Variants in PCDH11X observed in about 807,000 individuals in gnomAD.
PCDH11X encodes the protein protocadherin 11 X-linked, also known as protocadherin-11 X-linked.
PCDH11X carries 18 observed loss-of-function variants against 53.3 expected under a neutral mutation model. The ratio of observed to expected loss-of-function variants is 0.34; its 90% confidence interval spans 0.23 to 0.50. The LOEUF (loss-of-function observed/expected upper bound fraction) is 0.50. Ranked by LOEUF, PCDH11X falls within the 20% of genes least tolerant of loss-of-function variation. The pLI, the probability that PCDH11X is intolerant of heterozygous loss-of-function variation, is 0.98. For missense variants in PCDH11X, 570 were observed against 1,032.4 expected, an observed-to-expected ratio of 0.55 and a Z score of 6.14; for synonymous variants, 279 against 393.3, an observed-to-expected ratio of 0.71 and a Z score of 3.44.
intron 8 of PCDH11X, among the ~76,000 whole-genome samples, chrX:92,306,485 C>T (rs937472786): frequency 9.3e-6 from 1 of 107,982 alleles, no homozygotes; most frequent in African/African-American, 3.4e-5. Flanking sequence ...ACAAGAATTT[C>T]ACTAAATTTA....
chrX:91,866,482 G>A (rs1271493130), intron 5 of PCDH11X, among the ~76,000 whole-genome samples: 8 of 110,700 alleles, frequency 7.2e-5, no homozygotes, highest in South Asian at 3.9e-4. Flanking sequence ...TGTCAGCTGC[G>A]TTTGGTCTGG....
At chrX:92,045,081 C>T (rs1479021845) in intron 6 of PCDH11X, among the ~76,000 whole-genome samples, 9 of 95,638 alleles carry the variant, frequency 9.4e-5, no homozygotes, top group Non-Finnish European at 1.6e-4. Flanking sequence ...ACTGATCATG[C>T]TCTTTCTAAA....
At chrX:92,228,783 T>A (rs2067016019) in intron 7 of PCDH11X, among the ~76,000 whole-genome samples, 1 of 111,922 alleles carries the variant, frequency 8.9e-6, no homozygotes, top group African/African-American at 3.2e-5. Context: ...GAAAGGACAT[T>A]ATCTAGGCCA....
At position 91,877,702 on chromosome X, in the gene PCDH11X, G is replaced by A; in HGVS notation, c.1462G>A (p.Val488Ile). The change falls in exon 6 of 11, where the codon GTA (valine) becomes ATA (isoleucine). Residue 488 changes from valine to isoleucine, a missense_variant. By Grantham distance (29) the Val-to-Ile change is conservative. Coordinates refer to ENST00000682573, the MANE Select transcript of PCDH11X (RefSeq NM_032968.5). ...NNSPGIQLTK[V>I]SAMDADSGPN... Reference sequence around the variant, plus strand: ...CTCTCCTGGCATCCAGTTGACGAAAGTAAGTGCAATGGATGCAGACAGTGG... The same window carrying A: ...CTCTCCTGGCATCCAGTTGACGAAAATAAGTGCAATGGATGCAGACAGTGG... The A allele has an allele frequency of 8.3e-7, 1 of 1,211,672 alleles. No homozygotes were observed. The highest frequency in any genetic ancestry group is 1.8e-5 in the South Asian group (1 of 56,981).
chrX:92,100,659 C>T (rs1057249070), intron 6 of PCDH11X, among the ~76,000 whole-genome samples: 3 of 110,853 alleles, frequency 2.7e-5, no homozygotes, highest in Middle Eastern at 4.2e-3. Context: ...ACAGGGGATG[C>T]GATGGCTTGG....
chrX:92,097,591 A>C (rs1354486391), intron 6 of PCDH11X, among the ~76,000 whole-genome samples: 1 of 110,846 alleles, frequency 9.0e-6, no homozygotes, highest in Non-Finnish European at 1.9e-5. Context: ...TAGCAGAATT[A>C]ATACTCAGTT....
intron 7 of PCDH11X, among the ~76,000 whole-genome samples, chrX:92,212,434 T>C (rs2066609286): frequency 1.8e-5 from 2 of 111,840 alleles, no homozygotes; most frequent in Admixed American, 1.9e-4. Flanking sequence ...CACTGCAACC[T>C]CCACCTCCCG....
chrX:92,173,459 A>G (rs2065853890), intron 6 of PCDH11X, among the ~76,000 whole-genome samples: 1 of 111,149 alleles, frequency 9.0e-6, no homozygotes, highest in Non-Finnish European at 1.9e-5. Flanking sequence ...AAACAATGAC[A>G]TAATCTGACA....
intron 5 of PCDH11X, among the ~76,000 whole-genome samples, chrX:91,867,696 T>A (rs1939061351): frequency 9.0e-6 from 1 of 110,967 alleles, no homozygotes. Context: ...TGGCCTCGTA[T>A]TTTCTGCCCT....
At chrX:92,479,347 A>G (rs905221348) in intron 10 of PCDH11X, among the ~76,000 whole-genome samples, 8 of 110,443 alleles carry the variant, frequency 7.2e-5, no homozygotes, top group Non-Finnish European at 1.5e-4. Context: ...GAGAGCATTT[A>G]GCTTGTTTAC....
chrX:92,222,947 C>T (rs997559712), intron 7 of PCDH11X, among the ~76,000 whole-genome samples: 3 of 112,257 alleles, frequency 2.7e-5, no homozygotes, highest in African/African-American at 9.7e-5. Flanking sequence ...TTTTGGCCTA[C>T]ACCTTTCTTT....
chrX:92,287,287 G>A (rs1481432197), intron 8 of PCDH11X, among the ~76,000 whole-genome samples: 39 of 111,234 alleles, frequency 3.5e-4, no homozygotes, highest in Admixed American at 1.1e-3. Context: ...TGTCATACAG[G>A]TTTTAAGCCC....
intron 6 of PCDH11X, chrX:91,983,428 T>G: frequency 1.4e-6 from 1 of 736,814 alleles, no homozygotes; most frequent in Non-Finnish European, 2.1e-6. Flanking sequence ...CAAGCATTAT[T>G]AAGCCAAATC....
rs187802236 is a variant in PCDH11X, at chrX:92,198,159, G to A, written c.3034-3216G>A. 1.1e-4 allele frequency among the ~76,000 whole-genome samples: 12 copies of A among 106,512 alleles called. No homozygotes were observed. In the East Asian group the frequency reaches 3.2e-3, roughly 29 times the overall value. 92.5% of individuals were successfully genotyped at this position (106,512 alleles called of 115,157 possible). A position where few individuals can be genotyped will look rare whatever the true frequency, so the allele number is the denominator to read the frequency against. ...ACCTGTAATCCCAGCACTTTCAGAGGCCGTGGCAAACAGATCACTTGAGCT... is the reference window on the plus strand; with the variant it reads ...ACCTGTAATCCCAGCACTTTCAGAGACCGTGGCAAACAGATCACTTGAGCT... On this transcript the variant is annotated intron_variant, in intron 6 of 10. Transcript: ENST00000682573.
At chrX:92,426,643 G>C (rs2072123198) in intron 9 of PCDH11X, among the ~76,000 whole-genome samples, 1 of 107,974 alleles carries the variant, frequency 9.3e-6, no homozygotes, top group Non-Finnish European at 1.9e-5. Flanking sequence ...TACTATTTTA[G>C]GAAATTATTA....
At chrX:92,092,249 T>C (rs1383725440) in intron 6 of PCDH11X, among the ~76,000 whole-genome samples, 2 of 111,474 alleles carry the variant, frequency 1.8e-5, no homozygotes, top group Non-Finnish European at 3.8e-5. Context: ...GGCAAGGAAC[T>C]GCAATTTATA....
intron 1 of PCDH11X, among the ~76,000 whole-genome samples, chrX:91,782,664 T>C (rs1373060634): frequency 1.9e-5 from 2 of 107,930 alleles, no homozygotes; most frequent in African/African-American, 6.8e-5. Flanking sequence ...AAACTGCAAA[T>C]TGGAAGTTGC....
At chrX:91,973,317 T>C (rs1395050811) in intron 6 of PCDH11X, among the ~76,000 whole-genome samples, 3 of 98,730 alleles carry the variant, frequency 3.0e-5, no homozygotes, top group Non-Finnish European at 6.1e-5. Context: ...AGGGATAGCA[T>C]TGGGAGATAT....
chrX:92,402,153 A>G (rs1479282195), intron 9 of PCDH11X, among the ~76,000 whole-genome samples: 1 of 111,861 alleles, frequency 8.9e-6, no homozygotes, highest in Non-Finnish European at 1.9e-5. Flanking sequence ...AAACAAATGG[A>G]AAAGCATTCC....
Sources: gnomAD v4.1 joint callset for allele counts (sites outside exome capture counted in the v4.1 genomes callset) on GRCh38, gnomAD v4.1.1 for gene constraint, MANE v1.5 for transcripts, NCBI Gene and HGNC (gene_info 2026-07-23, HGNC 2026-07-21) for gene names.